SEM1: variants seen among roughly 807,000 people sequenced by gnomAD.
SEM1 encodes SEM1 26S proteasome subunit, also known as 26S proteasome complex subunit SEM1.
In SEM1, 3 loss-of-function variants were observed where a neutral mutation model predicts 12.7. The ratio of observed to expected loss-of-function variants is 0.24; its 90% confidence interval spans 0.11 to 0.61. SEM1 has a LOEUF of 0.61. SEM1 is among the 20% of genes least tolerant of loss of function. The probability of loss-of-function intolerance (pLI) is 0.88; values close to 1 mark genes in which losing one functional copy is unlikely to be tolerated. For synonymous variants in SEM1, 30 were observed against 27.8 expected, an observed-to-expected ratio of 1.08 and a Z score of -0.25; for missense variants, 59 against 81.3, an observed-to-expected ratio of 0.73 and a Z score of 1.06.
intron 2 of SEM1, among the ~76,000 whole-genome samples, chr7:96,529,226 G>GA (rs1233259524): frequency 2.0e-5 from 3 of 151,406 alleles, no homozygotes; most frequent in Non-Finnish European, 2.9e-5. Flanking sequence ...GAAGACAAAA[G>GA]AAAAAAGAAA....
At chr7:96,687,693 T>C (rs1353027136), downstream of SEM1, among the ~76,000 whole-genome samples, 1 of 151,846 alleles carries the variant, frequency 6.6e-6, no homozygotes, top group Non-Finnish European at 1.5e-5. Context: ...AAATGACGAG[T>C]TAATGGGTGC....
At chr7:96,595,509 A>G (rs528714156) in intron 2 of SEM1, among the ~76,000 whole-genome samples, 1 of 152,208 alleles carries the variant, frequency 6.6e-6, no homozygotes, top group South Asian at 2.1e-4. Flanking sequence ...ATCTCACAAA[A>G]ACACAAAACA....
chr7:96,541,189 T>A (rs1035831191), intron 2 of SEM1, among the ~76,000 whole-genome samples: 12 of 151,902 alleles, frequency 7.9e-5, no homozygotes, highest in African/African-American at 2.4e-4. Flanking sequence ...GTGGCTGAAC[T>A]AATTTATATT....
chr7:96,579,137 T>G (rs1480003057), intron 2 of SEM1, among the ~76,000 whole-genome samples: 2 of 152,220 alleles, frequency 1.3e-5, no homozygotes, highest in Admixed American at 1.3e-4. Flanking sequence ...TTTTTCTAAC[T>G]ACCATGATGA....
chr7:96,625,405 G>C (rs760433556), intron 2 of SEM1, among the ~76,000 whole-genome samples: 5 of 152,088 alleles, frequency 3.3e-5, no homozygotes, highest in Non-Finnish European at 5.9e-5. Flanking sequence ...AAAACTTAAA[G>C]ATAAAGTTAA....
chr7:96,499,522 C>T (rs1167691696), upstream of SEM1, among the ~76,000 whole-genome samples: 1 of 152,180 alleles, frequency 6.6e-6, no homozygotes, highest in Non-Finnish European at 1.5e-5. Context: ...GTGTCTTGAA[C>T]AAAGCGAGTC....
rs1427977887 is a variant in SEM1, at chr7:96,688,835, A to T, written c.*89T>A. The T allele has an allele frequency of 2.7e-6, 2 of 738,938 alleles. No individual in the cohort carries two copies. The highest frequency in any genetic ancestry group is 1.8e-5 in the African/African-American group (1 of 54,854). The allele number at this position is 738,938 out of a possible 1,614,324, so 45.8% of individuals were successfully genotyped here. The stretch of plus-strand genomic sequence containing the variant: ...AATCCAAGCAGATAATGAAATAAAC[A>T]CATTTTTTTAGTGTCCCATCCTGGG... On this transcript the variant is annotated 3_prime_UTR_variant, in exon 3 of 3. Coordinates refer to ENST00000248566, the MANE Select transcript of SEM1 (RefSeq NM_006304.2).
chr7:96,683,947 G>C (rs1789691400), downstream of SEM1, among the ~76,000 whole-genome samples: 1 of 152,034 alleles, frequency 6.6e-6, no homozygotes, highest in Non-Finnish European at 1.5e-5. Flanking sequence ...TGATGGGTCA[G>C]CAAACCACAA....
At chr7:96,543,578 A>T (rs1805019705) in intron 2 of SEM1, among the ~76,000 whole-genome samples, 2 of 151,994 alleles carry the variant, frequency 1.3e-5, no homozygotes, top group African/African-American at 4.8e-5. Context: ...TGTCAATGTG[A>T]ATTTGAAAAT....
chr7:96,554,972 G>A (rs6465521), intron 2 of SEM1, among the ~76,000 whole-genome samples: 52,532 of 99,686 alleles, frequency 0.53, 15,588 homozygotes, highest in Non-Finnish European at 0.63. Flanking sequence ...TAGATTTTCT[G>A]GTTTATTTGC....
chr7:96,670,038 G>C (rs956858992), downstream of SEM1, among the ~76,000 whole-genome samples: 1 of 152,090 alleles, frequency 6.6e-6, no homozygotes, highest in African/African-American at 2.4e-5. Flanking sequence ...ACTGAGCCAG[G>C]AGTAAATCAG....
intron 3 of SEM1, among the ~76,000 whole-genome samples, chr7:96,504,403 A>G (rs897217589): frequency 4.6e-5 from 7 of 152,108 alleles, no homozygotes; most frequent in Non-Finnish European, 2.9e-5. Context: ...ACTTTTTAAT[A>G]TGGAAAATTT....
chr7:96,650,419 T>C, intron 2 of SEM1: 2 of 704,642 alleles, frequency 2.8e-6, no homozygotes, highest in South Asian at 3.1e-5. Context: ...AGGCAGTAGA[T>C]GGGCACCTCG....
At chr7:96,484,890 A>C (rs935537148) in intron 2 of SEM1, 2 of 1,264,614 alleles carry the variant, frequency 1.6e-6, no homozygotes, top group Non-Finnish European at 2.1e-6. Flanking sequence ...AAGTCTCTGG[A>C]ATCCAACTTT....
At chr7:96,501,798 TGGGGTAC>T (rs1417650363) in intron 3 of SEM1, among the ~76,000 whole-genome samples, 1 of 152,174 alleles carries the variant, frequency 6.6e-6, no homozygotes, top group African/African-American at 2.4e-5. Flanking sequence ...TGCCGATGTT[TGGGGTAC>T]AATTAATCCC....
chr7:96,615,003 AAGT>A (rs1379908452), intron 2 of SEM1, among the ~76,000 whole-genome samples: 1 of 152,180 alleles, frequency 6.6e-6, no homozygotes, highest in Admixed American at 6.5e-5. Flanking sequence ...CTGTTTTTGT[AAGT>A]AAAGGATTGT....
intron 1 of SEM1, among the ~76,000 whole-genome samples, chr7:96,701,874 A>C (rs1282458709): frequency 1.3e-5 from 2 of 152,122 alleles, no homozygotes; most frequent in Admixed American, 6.5e-5. Flanking sequence ...GTATCTGTCA[A>C]AATTTAAGAT....
At chr7:96,492,827 C>T (rs1446390560) in intron 1 of SEM1, among the ~76,000 whole-genome samples, 1 of 151,518 alleles carries the variant, frequency 6.6e-6, no homozygotes, top group African/African-American at 2.4e-5. Flanking sequence ...CTTCATCCTT[C>T]AATGGACATT....
intron 2 of SEM1, among the ~76,000 whole-genome samples, chr7:96,523,275 A>C (rs969440190): frequency 2.6e-5 from 4 of 152,154 alleles, no homozygotes; most frequent in Admixed American, 1.3e-4. Flanking sequence ...TGAGGAAAAC[A>C]TTGTTCCAAC....
Sources: gnomAD v4.1 joint callset for allele counts (sites outside exome capture counted in the v4.1 genomes callset) on GRCh38, gnomAD v4.1.1 for gene constraint, MANE v1.5 for transcripts, NCBI Gene and HGNC (gene_info 2026-07-23, HGNC 2026-07-21) for gene names.